LRP1B: variants seen among roughly 807,000 people sequenced by gnomAD.
LRP1B encodes low-density lipoprotein receptor-related protein 1B.
In LRP1B, 217 loss-of-function variants were observed where a neutral mutation model predicts 556.6. That is an observed-to-expected ratio of 0.39 (90% CI 0.35 to 0.44). LRP1B has a LOEUF of 0.44. Ranked by LOEUF, LRP1B falls within the 20% of genes least tolerant of loss-of-function variation. The pLI, the probability that LRP1B is intolerant of heterozygous loss-of-function variation, is 1.00. For synonymous variants in LRP1B, 2,047 were observed against 1,865.8 expected (o/e 1.10, Z -2.50); for missense variants, 5,053 against 5,620.8 (o/e 0.90, Z 3.23).
At chr2:140,470,629 AG>A (rs1302377446) in intron 60 of LRP1B, among the ~76,000 whole-genome samples, 2 of 115,638 alleles carry the variant, frequency 1.7e-5, no homozygotes, top group African/African-American at 6.5e-5. Flanking sequence ...TGGGTGAAAG[AG>A]GGAGACTCTG....
chr2:140,414,228 A>C (rs928614450), intron 66 of LRP1B, among the ~76,000 whole-genome samples: 10 of 152,084 alleles, frequency 6.6e-5, no homozygotes, highest in Admixed American at 1.3e-4. Context: ...TCTTTTTTCT[A>C]TTAACTGTAG....
chr2:141,860,617 T>C (rs1242707708), intron 1 of LRP1B, among the ~76,000 whole-genome samples: 1 of 152,186 alleles, frequency 6.6e-6, no homozygotes. Flanking sequence ...GAAGATGATA[T>C]AGAATATTCT....
intron 3 of LRP1B, among the ~76,000 whole-genome samples, chr2:141,440,012 C>A (rs568678873): frequency 6.6e-6 from 1 of 152,294 alleles, no homozygotes; most frequent in Non-Finnish European, 1.5e-5. Flanking sequence ...TCATGCTAGG[C>A]ACGCACTATT....
rs1682092213 is a variant in LRP1B at position 140,264,401 on chromosome 2, G to A, written c.13247+5841C>T. On this transcript the variant is annotated intron_variant, in intron 86 of 90. Transcript: ENST00000389484. Reference sequence around the variant, plus strand: ...GTGCCATCACACCTGGCTAACTTTTGTATTTTTAGTGGGGATGGGGTTTCA... The same window carrying A: ...GTGCCATCACACCTGGCTAACTTTTATATTTTTAGTGGGGATGGGGTTTCA... 2.6e-5 allele frequency among the ~76,000 whole-genome samples: 4 copies of A among 152,156 alleles called. No individual in the cohort carries two copies. The South Asian group carries it at 6.2e-4, about 24-fold the overall frequency.
At chr2:141,290,710 C>G (rs1168413621) in intron 3 of LRP1B, among the ~76,000 whole-genome samples, 1 of 151,838 alleles carries the variant, frequency 6.6e-6, no homozygotes, top group Non-Finnish European at 1.5e-5. Context: ...CAAACAAACA[C>G]AAATTAGAAC....
chr2:141,472,990 T>C (rs1168889154), intron 3 of LRP1B, among the ~76,000 whole-genome samples: 1 of 152,034 alleles, frequency 6.6e-6, no homozygotes, highest in Non-Finnish European at 1.5e-5. Flanking sequence ...AATTCTCAGC[T>C]ACAACGTAGG....
At chr2:141,535,942 A>G (rs13008033) in intron 2 of LRP1B, among the ~76,000 whole-genome samples, 29,334 of 152,052 alleles carry the variant, frequency 0.19, 2,973 homozygotes, top group South Asian at 0.39. Flanking sequence ...TGCATAGCCT[A>G]AGTTTATATC....
At chr2:141,473,075 G>A (rs1332272844) in intron 3 of LRP1B, among the ~76,000 whole-genome samples, 1 of 151,944 alleles carries the variant, frequency 6.6e-6, no homozygotes, top group Non-Finnish European at 1.5e-5. Flanking sequence ...CAACATATTC[G>A]AACATTTTTA....
intron 41 of LRP1B, among the ~76,000 whole-genome samples, chr2:140,602,357 A>G (rs960883282): frequency 1.3e-5 from 2 of 152,054 alleles, no homozygotes; most frequent in African/African-American, 4.8e-5. Context: ...TGTATTCCCA[A>G]TCTCTAGGGT....
intron 68 of LRP1B, 148 bp downstream of exon 68, chr2:140,378,032 C>A: frequency 1.7e-6 from 1 of 595,364 alleles, no homozygotes; most frequent in Non-Finnish European, 3.0e-6. Flanking sequence ...GGATGTGAAG[C>A]ACAGCACATG....
chr2:141,617,898 G>A (rs1357345025), intron 2 of LRP1B, among the ~76,000 whole-genome samples: 1 of 151,890 alleles, frequency 6.6e-6, no homozygotes, highest in East Asian at 1.9e-4. Flanking sequence ...TTTATTTTAA[G>A]GCTTAAAACA....
At chr2:140,252,438 C>A (rs1384399355) in intron 86 of LRP1B, among the ~76,000 whole-genome samples, 1 of 151,890 alleles carries the variant, frequency 6.6e-6, no homozygotes, top group Non-Finnish European at 1.5e-5. Context: ...AGGCATTATA[C>A]ACTGTATAAA....
chr2:142,120,274 G>C (rs901278744), intron 1 of LRP1B, among the ~76,000 whole-genome samples: 3 of 152,076 alleles, frequency 2.0e-5, no homozygotes, highest in Non-Finnish European at 4.4e-5. Flanking sequence ...ACTATGCCTG[G>C]CTAATTTTTG....
At chr2:141,247,428 TA>T (rs1684108294) in intron 4 of LRP1B, 74 bp from the exon 5 acceptor site, 1 of 1,558,034 alleles carries the variant, frequency 6.4e-7, no homozygotes, top group Non-Finnish European at 8.7e-7. Context: ...AAGAAAATAT[TA>T]TTTTTGAACT....
intron 1 of LRP1B, among the ~76,000 whole-genome samples, chr2:142,108,488 GGAAAA>G (rs1706840324): frequency 6.6e-6 from 1 of 152,094 alleles, no homozygotes; most frequent in Non-Finnish European, 1.5e-5. Flanking sequence ...CTCTCTCATG[GGAAAA>G]GAAAAGTCCG....
At chr2:142,107,395 G>C (rs1355148877) in intron 1 of LRP1B, among the ~76,000 whole-genome samples, 1 of 152,022 alleles carries the variant, frequency 6.6e-6, no homozygotes, top group Non-Finnish European at 1.5e-5. Flanking sequence ...GGATGAGTTT[G>C]GTCCCCTTCT....
At chr2:140,787,156 T>G (rs1689933693) in intron 32 of LRP1B, among the ~76,000 whole-genome samples, 1 of 152,258 alleles carries the variant, frequency 6.6e-6, no homozygotes, top group South Asian at 2.1e-4. Context: ...AAACTGGGAT[T>G]AAGTGGGTCT....
At chr2:140,649,825 T>A (rs1400197807) in intron 41 of LRP1B, among the ~76,000 whole-genome samples, 1 of 152,206 alleles carries the variant, frequency 6.6e-6, no homozygotes, top group Non-Finnish European at 1.5e-5. Flanking sequence ...TTTGACTCCT[T>A]AAGAAGACAG....
chr2:141,723,276 G>A (rs1692908091), intron 2 of LRP1B, among the ~76,000 whole-genome samples: 1 of 146,216 alleles, frequency 6.8e-6, no homozygotes, highest in Non-Finnish European at 1.5e-5. Flanking sequence ...TTTTCACTGT[G>A]AACTCCCATT....
Sources: gnomAD v4.1 joint callset for allele counts (sites outside exome capture counted in the v4.1 genomes callset) on GRCh38, gnomAD v4.1.1 for gene constraint, MANE v1.5 for transcripts, NCBI Gene and HGNC (gene_info 2026-07-23, HGNC 2026-07-21) for gene names.